The following IP6K3 variants were observed in gnomAD, a reference collection of about 807,000 sequenced individuals.
IP6K3 encodes the protein ATP:1D-myo-inositol-hexakisphosphate phosphotransferase.
A neutral mutation model predicts 28.8 loss-of-function variants in IP6K3; 20 were observed. That is an observed-to-expected ratio of 0.70 (90% CI 0.49 to 1.01). The LOEUF (loss-of-function observed/expected upper bound fraction) is 1.01. IP6K3 is among the 50% of genes least tolerant of loss of function. The pLI, the probability that IP6K3 is intolerant of heterozygous loss-of-function variation, is 0.00. For synonymous variants in IP6K3, 213 were observed against 221.3 expected (o/e 0.96, Z 0.33); for missense variants, 480 against 537.1 (o/e 0.89, Z 1.05).
At chr6:33,756,032 T>C in the IP6K3 span, among the ~76,000 whole-genome samples, 1 of 152,120 alleles carries the variant, frequency 6.6e-6, no homozygotes, top group Non-Finnish European at 1.5e-5. Context: ...GACTGGCTAA[T>C]TTTGTATTTT....
At chr6:33,749,770 T>C (rs951839902), upstream of IP6K3, among the ~76,000 whole-genome samples, 1 of 151,754 alleles carries the variant, frequency 6.6e-6, no homozygotes, top group African/African-American at 2.4e-5. Context: ...CACTTTATCT[T>C]GTTTGGTCCT....
chr6:33,723,248 T>C (rs985674820), intron 5 of IP6K3, 61 bp from the exon 6 acceptor site: 23 of 1,134,382 alleles, frequency 2.0e-5, no homozygotes, highest in Admixed American at 2.6e-5. Context: ...TTGTATCTGG[T>C]ACGGTTGCAG....
chr6:33,754,565 G>T, the IP6K3 span, among the ~76,000 whole-genome samples: 1 of 152,074 alleles, frequency 6.6e-6, no homozygotes, highest in Non-Finnish European at 1.5e-5. Flanking sequence ...AGCTGGGCTG[G>T]CGGGGCTGAA....
At chr6:33,734,616 G>A (rs551032858) in intron 2 of IP6K3, among the ~76,000 whole-genome samples, 10 of 152,276 alleles carry the variant, frequency 6.6e-5, no homozygotes, top group Non-Finnish European at 1.3e-4. Flanking sequence ...GCTGGGTGTG[G>A]ACAAATCAGC....
intron 1 of IP6K3, among the ~76,000 whole-genome samples, chr6:33,738,371 C>T (rs896843375): frequency 6.6e-6 from 1 of 152,220 alleles, no homozygotes; most frequent in African/African-American, 2.4e-5. Flanking sequence ...ACTGGGAAGT[C>T]CACACCCCTC....
At position 33,722,977 on chromosome 6, in the gene IP6K3, G is replaced by A. The variant is rs1206875964; in HGVS notation, c.976C>T (p.Leu326Phe). The A allele has an allele frequency of 6.2e-7, 1 of 1,614,062 alleles. No individual in the cohort carries two copies. The highest frequency in any genetic ancestry group is 1.1e-5 in the South Asian group (1 of 91,068). Residue 326 changes from leucine to phenylalanine, a missense_variant, in exon 6 of 6, where the codon CTC (leucine) becomes TTC (phenylalanine). By Grantham distance (22) the Leu-to-Phe change is conservative. Coordinates refer to ENST00000293756, the MANE Select transcript of IP6K3 (RefSeq NM_054111.5). ...TCCTGCCCATCATAGATGACAAGGA[G>A]AGAGCTGGAATAGAAGCGGTATGAA... The part of the protein sequence containing the change: ...QSSYRFYSSS[L>F]LVIYDGQEPP...
chr6:33,754,207 C>G, the IP6K3 span, among the ~76,000 whole-genome samples: 3 of 152,182 alleles, frequency 2.0e-5, no homozygotes, highest in African/African-American at 7.2e-5. Context: ...GGGGGAGAGC[C>G]AGGTGAGGAC....
chr6:33,748,650 A>AAAG (rs1201735309), upstream of IP6K3, among the ~76,000 whole-genome samples: 2 of 130,656 alleles, frequency 1.5e-5, no homozygotes, highest in Non-Finnish European at 3.3e-5. Flanking sequence ...TCCAAAAAAA[A>AAAG]AAAAAAAAAA....
rs1370444115 is a variant in IP6K3 at position 33,742,326 on chromosome 6, C to T, written c.-180+4432G>A. ...TCTGGGAGTCTCGGAGACCCAGGACCAAGACCCAAGTCAGGCTCTTAGGGC... is the reference window on the plus strand; with the variant it reads ...TCTGGGAGTCTCGGAGACCCAGGACTAAGACCCAAGTCAGGCTCTTAGGGC... On this transcript the variant is annotated intron_variant, in intron 1 of 5. Transcript: ENST00000293756. This position sits in a 1 kb window ranked among gnomAD's most constrained non-coding sequence, Gnocchi z 4.5. 6.6e-6 allele frequency among the ~76,000 whole-genome samples: 1 copy of T among 152,174 alleles called. No homozygotes were observed. Among genetic ancestry groups the T allele is most frequent in the Non-Finnish European group, 1.5e-5 (1 of 68,024 alleles).
intron 1 of IP6K3, among the ~76,000 whole-genome samples, chr6:33,738,417 G>A (rs1190553970): frequency 1.3e-5 from 2 of 152,202 alleles, no homozygotes; most frequent in East Asian, 3.8e-4. Flanking sequence ...AGAGCTCTAA[G>A]GACATGGATG....
intron 3 of IP6K3, 22 bp from the exon 4 acceptor site, chr6:33,726,928 G>A: frequency 6.3e-7 from 1 of 1,581,778 alleles, no homozygotes; most frequent in Non-Finnish European, 8.6e-7. Context: ...TGGAGCACAG[G>A]ACGGTCAGAG....
In IP6K3 at chr6:33,728,278, C is replaced by T. The variant is rs754587487; in HGVS notation, c.222G>A (p.Trp74Ter). 17 of 1,614,046 alleles carry T rather than the reference C, an allele frequency of 1.1e-5. No individual in the cohort carries two copies. The highest frequency in any genetic ancestry group is 1.3e-5 in the African/African-American group (1 of 74,920). The change falls in exon 3 of 6, where the codon TGG (tryptophan) becomes TGA (stop). Residue 74 changes from tryptophan to a stop codon, truncating the protein, a stop_gained. Transcript: ENST00000293756. LOFTEE classifies it high-confidence loss of function. ...QYKGTVTVHLWKDSTGHLSLV... is the reference protein window; with the variant it reads ...QYKGTVTVHL Reference sequence around the variant, plus strand: ...AGCTGAGATGGCCTGTGCTGTCTTTCCAGAGGTGCACTGTGACGGTACCTG... The same window carrying T: ...AGCTGAGATGGCCTGTGCTGTCTTTTCAGAGGTGCACTGTGACGGTACCTG...
Position 33,742,406 on chromosome 6 carries a change from G to T in IP6K3, c.-180+4352C>A, listed in dbSNP as rs973344833. Among the ~76,000 whole-genome samples, 1 of 152,138 alleles carries T rather than the reference G, an allele frequency of 6.6e-6. No individual in the cohort carries two copies. Among genetic ancestry groups the T allele is most frequent in the Non-Finnish European group, 1.5e-5 (1 of 68,016 alleles). The stretch of plus-strand genomic sequence containing the variant: ...TGTTTGCCTCAGTAACCTGTGTCAG[G>T]ATAGGGAGCTTTCAGAAGCTGCACC... On this transcript the variant is annotated intron_variant, in intron 1 of 5. Transcript: ENST00000293756. This position sits in a 1 kb window ranked among gnomAD's most constrained non-coding sequence, Gnocchi z 4.5.
chr6:33,761,834 C>T, the IP6K3 span, among the ~76,000 whole-genome samples: 2 of 152,104 alleles, frequency 1.3e-5, no homozygotes, highest in Non-Finnish European at 2.9e-5. Context: ...CTGGCCTTCC[C>T]AGGGCCCAGT....
chr6:33,756,506 G>A, the IP6K3 span, among the ~76,000 whole-genome samples: 8 of 152,218 alleles, frequency 5.3e-5, no homozygotes, highest in Middle Eastern at 3.4e-3. Flanking sequence ...CAGAGAGAGA[G>A]CGAGAGAGAC....
chr6:33,754,108 G>A, the IP6K3 span, among the ~76,000 whole-genome samples: 2,940 of 152,180 alleles, frequency 0.019, 41 homozygotes, highest in South Asian at 0.051. Flanking sequence ...CGCGCCCGGT[G>A]GCCTATTATT....
rs759427406 is a variant in IP6K3, at chr6:33,726,802, G to A, written c.518C>T (p.Pro173Leu). The A allele has an allele frequency of 4.3e-6, 7 of 1,612,884 alleles. No homozygotes were observed. In the East Asian group the frequency reaches 8.9e-5, roughly 21 times the overall value. ...GGCCTGGTGGCATTGCAGGCCCCAC[G>A]GGTTGAAGCTCTTCCTCTCAACCTG... Reference protein sequence around the residue: ...GNQVERKSFNPWGLQCHQAHL... With the variant: ...GNQVERKSFNLWGLQCHQAHL... Residue 173 changes from proline (P) to leucine (L), a missense_variant, in exon 4 of 6, where the codon CCG becomes CTG. Transcript: ENST00000293756.
chr6:33,757,493 A>C, the IP6K3 span, among the ~76,000 whole-genome samples: 1 of 152,170 alleles, frequency 6.6e-6, no homozygotes, highest in Non-Finnish European at 1.5e-5. Context: ...GTTCCCTCCA[A>C]TCTGCATCCT....
chr6:33,750,365 C>T (rs1767006213), upstream of IP6K3, among the ~76,000 whole-genome samples: 1 of 152,194 alleles, frequency 6.6e-6, no homozygotes. This position sits in a 1 kb window ranked among gnomAD's most constrained non-coding sequence, Gnocchi z 4.3. Flanking sequence ...TCACCCCCAG[C>T]GTTCAGCCCC....
Sources: gnomAD v4.1 joint callset for allele counts (sites outside exome capture counted in the v4.1 genomes callset) on GRCh38, gnomAD v4.1.1 for gene constraint, Gnocchi (gnomAD v3.1) non-coding constraint, MANE v1.5 for transcripts, NCBI Gene and HGNC (gene_info 2026-07-23, HGNC 2026-07-21) for gene names.